MPHOSPH10: variants seen among roughly 807,000 people sequenced by gnomAD.
MPHOSPH10 encodes U3 small nucleolar ribonucleoprotein MPP10.
Under a neutral mutation model 77.3 loss-of-function variants are expected in MPHOSPH10, and 33 were observed. That is an observed-to-expected ratio of 0.43 (90% CI 0.32 to 0.57). The LOEUF (loss-of-function observed/expected upper bound fraction) is 0.57. Ranked by LOEUF, MPHOSPH10 falls within the 20% of genes least tolerant of loss-of-function variation. MPHOSPH10 has a pLI of 0.07. For synonymous variants in MPHOSPH10, 245 were observed against 268.0 expected, an observed-to-expected ratio of 0.91 and a Z score of 0.84; for missense variants, 708 against 780.1, an observed-to-expected ratio of 0.91 and a Z score of 1.10.
rs180963052 is a variant in MPHOSPH10 at position 71,142,025 on chromosome 2, C to A, written c.1446+656C>A. On this transcript the variant is annotated intron_variant, in intron 7 of 10. Coordinates refer to ENST00000244230, the MANE Select transcript of MPHOSPH10 (RefSeq NM_005791.3). ...CCAGCCTGGGCGACAGAGTGAGACT[C>A]CATCTCAAAAAAAGAAAGAAAGAAA... 8.8e-4 allele frequency among the ~76,000 whole-genome samples: 128 copies of A among 145,482 alleles called. 1 individual carries two copies. The East Asian group carries it at 0.023, about 26-fold the overall frequency.
Position 71,133,262 on chromosome 2 carries a change from G to C in MPHOSPH10, c.454G>C (p.Ala152Pro), listed in dbSNP as rs76790487. The C allele has an allele frequency of 6.2e-7, 1 of 1,614,006 alleles. No individual in the cohort carries two copies. Among genetic ancestry groups the C allele is most frequent in the African/African-American group, 1.3e-5 (1 of 74,898 alleles). ...TGATGATCCTGAAATGGGTGAGAGA[G>C]CTGAAAACTCAAGCAAATCTGATCT... Reference protein sequence around the residue: ...GNDDPEMGERAENSSKSDLRK... With the variant: ...GNDDPEMGERPENSSKSDLRK... Residue 152 changes from alanine to proline, a missense_variant, in exon 2 of 11, where the codon GCT becomes CCT. By Grantham distance (27) the Ala-to-Pro change is conservative (BLOSUM62 -1). Coordinates refer to ENST00000244230, the MANE Select transcript of MPHOSPH10 (RefSeq NM_005791.3).
intron 3 of MPHOSPH10, 22 bp from the exon 4 acceptor site, chr2:71,134,604 T>C (rs770090784): frequency 1.3e-6 from 2 of 1,566,776 alleles, no homozygotes; most frequent in Middle Eastern, 1.7e-4. Flanking sequence ...TATTTCTTTT[T>C]ATAAGAGTTT....
intron 4 of MPHOSPH10, among the ~76,000 whole-genome samples, chr2:71,136,094 T>C (rs1485327559): frequency 6.6e-6 from 1 of 152,238 alleles, no homozygotes; most frequent in East Asian, 1.9e-4. Context: ...AACATATCTT[T>C]CAAAGTTGGT....
In MPHOSPH10 at chr2:71,135,404, A is replaced by T. The variant is rs58980790; in HGVS notation, c.1098+607A>T. On this transcript the variant is annotated intron_variant, in intron 4 of 10. Transcript: ENST00000244230. Reference sequence around the variant, plus strand: ...CTACTAAAAAAAAAAAAAAGTAGCCAGGTGTGGTGGCGGGCACCTGTAATC... The same window carrying T: ...CTACTAAAAAAAAAAAAAAGTAGCCTGGTGTGGTGGCGGGCACCTGTAATC... Among the ~76,000 whole-genome samples, 5,371 of 148,954 alleles carry T rather than the reference A, an allele frequency of 0.036. 586 individuals carry two copies. In the East Asian group the frequency reaches 0.43, roughly 12 times the overall value.
At position 71,149,298 on chromosome 2, in the gene MPHOSPH10, AAG is replaced by A; in HGVS notation, c.1743_1744del (p.Lys582IlefsTer18). On this transcript the variant is annotated frameshift_variant, in exon 10 of 11. Coordinates refer to ENST00000244230, the MANE Select transcript of MPHOSPH10 (RefSeq NM_005791.3). LOFTEE classifies it high-confidence loss of function. ...AGACAAGAAACGAGAGCGAAGGAAA[AAG>A]AAATATCAAAAGCGTATGAAAATAA... ...ATDKKRERRK[K>X]KYQKRMKIKE... is the part of the protein sequence containing the mutation. 2 of 1,609,994 alleles carry A rather than the reference AAG, an allele frequency of 1.2e-6. No individual in the cohort carries two copies. The highest frequency in any genetic ancestry group is 1.7e-6 in the Non-Finnish European group (2 of 1,177,762).
intron 4 of MPHOSPH10, among the ~76,000 whole-genome samples, chr2:71,136,343 G>A (rs11893273): frequency 0.34 from 51,283 of 151,794 alleles, 8,910 homozygotes; most frequent in Admixed American, 0.41. Flanking sequence ...GCAAAAGCCC[G>A]TCTCCACTAA....
rs763282774 is a variant in MPHOSPH10, at chr2:71,149,377, C to T, written c.1820C>T (p.Ala607Val). The change falls in exon 10 of 11, where the codon GCA becomes GTA. Residue 607 changes from alanine to valine, a missense_variant. Coordinates refer to ENST00000244230, the MANE Select transcript of MPHOSPH10 (RefSeq NM_005791.3). ...KLLEKSSVDQ[A>V]GKYSKTVASE... ...CTTGAAAAGAGCAGTGTAGATCAAGCAGGGAAATACAGCAAAACAGTAGCT... is the reference window on the plus strand; with the variant it reads ...CTTGAAAAGAGCAGTGTAGATCAAGTAGGGAAATACAGCAAAACAGTAGCT... 12 of 1,570,584 alleles carry T rather than the reference C, an allele frequency of 7.6e-6. No homozygotes were observed. The highest frequency in any genetic ancestry group is 9.5e-6 in the Non-Finnish European group (11 of 1,159,810).
At position 71,149,234 on chromosome 2, in the gene MPHOSPH10, A is replaced by G. The variant is rs1259659275; in HGVS notation, c.1677A>G (p.Lys559=). The G allele has an allele frequency of 3.2e-6, 5 of 1,559,500 alleles. No homozygotes were observed. The highest frequency in any genetic ancestry group is 3.5e-6 in the Non-Finnish European group (4 of 1,154,762). The change falls in exon 10 of 11, where the codon AAA becomes AAG. Residue 559 remains lysine, a synonymous_variant. Transcript: ENST00000244230. The part of the protein sequence containing the change: ...LAPEEIKEKN[K]AGDIKTAAEK... ...TATTTTTTTAATAGGAGAAAAATAAAGCTGGAGATATAAAAACAGCTGCTG... is the reference window on the plus strand; with the variant it reads ...TATTTTTTTAATAGGAGAAAAATAAGGCTGGAGATATAAAAACAGCTGCTG...
intron 7 of MPHOSPH10, 122 bp from the exon 8 acceptor site, chr2:71,144,306 G>A: frequency 1.3e-6 from 1 of 757,704 alleles, no homozygotes; most frequent in Non-Finnish European, 2.1e-6. Context: ...CTTTTGGAAT[G>A]TTTCTTTGTA....
chr2:71,148,205 C>G, intron 9 of MPHOSPH10, 99 bp downstream of exon 9: 2 of 1,002,896 alleles, frequency 2.0e-6, no homozygotes, highest in South Asian at 1.3e-5. Context: ...ACTTGTAGTT[C>G]TTATTCCAAT....
In MPHOSPH10 at chr2:71,144,557, C is replaced by T. The variant is rs960271941; in HGVS notation, c.1557+19C>T. On this transcript the variant is annotated intron_variant, in intron 8 of 10. Transcript: ENST00000244230. Reference sequence around the variant, plus strand: ...TAAACCGGTAAGTGTGTTAACAGTTCAGTGTGTAGCTAGAGCAGGGTGACC... The same window carrying T: ...TAAACCGGTAAGTGTGTTAACAGTTTAGTGTGTAGCTAGAGCAGGGTGACC... 5.1e-6 allele frequency: 8 copies of T among 1,553,628 alleles called. No homozygotes were observed. The highest frequency in any genetic ancestry group is 5.0e-5 in the Admixed American group (3 of 59,618).
At position 71,135,348 on chromosome 2, in the gene MPHOSPH10, C is replaced by T. The variant is rs569612122; in HGVS notation, c.1098+551C>T. Among the ~76,000 whole-genome samples the T allele has an allele frequency of 2.0e-5, 3 of 151,064 alleles. No homozygotes were observed. The South Asian group carries it at 6.3e-4, about 32-fold the overall frequency. On this transcript the variant is annotated intron_variant, in intron 4 of 10. Coordinates refer to ENST00000244230, the MANE Select transcript of MPHOSPH10 (RefSeq NM_005791.3). ...ATCACTTCAGGTCAGGAGTTCGAGA[C>T]CAGCCTGGCTAACATGGTAAAACCC...
At chr2:71,148,157 A>G in intron 9 of MPHOSPH10, 51 bp downstream of exon 9, 4 of 1,438,930 alleles carry the variant, frequency 2.8e-6, no homozygotes, top group African/African-American at 1.4e-5. Context: ...TTAGTTGATC[A>G]TAGCCAGACT....
Position 71,149,945 on chromosome 2 carries a change from A to G in MPHOSPH10, c.1976A>G (p.Asn659Ser). ...CAAGATCAAGTAAAAATGCAAATCA[A>G]TGATGCAAAGAAAACAGAAAAGAAA... ...KLQDQVKMQI[N>S]DAKKTEKKKK... The change falls in exon 11 of 11, where the codon AAT becomes AGT. Residue 659 changes from asparagine to serine, a missense_variant. Asn to Ser is a conservative substitution (Grantham distance 46). Coordinates refer to ENST00000244230, the MANE Select transcript of MPHOSPH10 (RefSeq NM_005791.3). 3 of 1,551,248 alleles carry G rather than the reference A, an allele frequency of 1.9e-6. No homozygotes were observed. The highest frequency in any genetic ancestry group is 1.2e-5 in the South Asian group (1 of 83,742).
At chr2:71,143,499 C>T (rs1433919318) in intron 7 of MPHOSPH10, among the ~76,000 whole-genome samples, 1 of 152,136 alleles carries the variant, frequency 6.6e-6, no homozygotes, top group Admixed American at 6.6e-5. Context: ...AAATGAACCA[C>T]TTAGTGAACA....
At position 71,138,349 on chromosome 2, in the gene MPHOSPH10, G is replaced by T. The variant is rs561150555; in HGVS notation, c.1099-141G>T. On this transcript the variant is annotated intron_variant, in intron 4 of 10. Transcript: ENST00000244230. ...TAGGCAGCAGAAATAGGAAGTCATC[G>T]ACAGAATAAAAAGATGGCAAGAACA... 4 of 683,910 alleles carry T rather than the reference G, an allele frequency of 5.8e-6. No individual in the cohort carries two copies. The South Asian group carries it at 7.4e-5, about 13-fold the overall frequency. The allele number at this position is 683,910 out of a possible 1,614,324, so 42.4% of individuals were successfully genotyped here.
At chr2:71,132,209 C>T (rs944629206) in intron 1 of MPHOSPH10, among the ~76,000 whole-genome samples, 1 of 152,202 alleles carries the variant, frequency 6.6e-6, no homozygotes, top group Non-Finnish European at 1.5e-5. Flanking sequence ...AATCACTGTA[C>T]TTTCCTCCTC....
At chr2:71,144,970 A>G (rs907195731) in intron 8 of MPHOSPH10, among the ~76,000 whole-genome samples, 3 of 152,208 alleles carry the variant, frequency 2.0e-5, no homozygotes, top group Non-Finnish European at 4.4e-5. Context: ...TACATACACT[A>G]ACACTTAATG....
chr2:71,135,624 G>C (rs1316868384), intron 4 of MPHOSPH10, among the ~76,000 whole-genome samples: 1 of 143,826 alleles, frequency 7.0e-6, no homozygotes, highest in African/African-American at 2.5e-5. Flanking sequence ...TGTCTCTCCT[G>C]ATAAAGCTGT....
Sources: gnomAD v4.1 joint callset for allele counts (sites outside exome capture counted in the v4.1 genomes callset) on GRCh38, gnomAD v4.1.1 for gene constraint, MANE v1.5 for transcripts, NCBI Gene and HGNC (gene_info 2026-07-23, HGNC 2026-07-21) for gene names.